The following POMT1 variants were observed in gnomAD, a reference collection of about 807,000 sequenced individuals.
POMT1 encodes protein O-mannosyl-transferase 1.
A neutral mutation model predicts 101.6 loss-of-function variants in POMT1; 85 were observed. The observed-to-expected ratio is 0.84, with a 90% CI of 0.70 to 1.00. The LOEUF is 1.00. Ranked by LOEUF, POMT1 falls within the 50% of genes least tolerant of loss-of-function variation. The pLI, the probability that POMT1 is intolerant of heterozygous loss-of-function variation, is 0.00. For missense variants in POMT1, 857 were observed against 930.4 expected, an observed-to-expected ratio of 0.92 and a Z score of 1.03; for synonymous variants, 371 against 383.0, an observed-to-expected ratio of 0.97 and a Z score of 0.37.
rs1224573602 is a variant in POMT1 at position 131,520,223 on chromosome 9, CAT to C, written c.1698+32_1698+33del. 2.6e-6 allele frequency: 4 copies of C among 1,541,198 alleles called. No homozygotes were observed. The African/African-American group carries it at 5.4e-5, about 21-fold the overall frequency. On this transcript the variant is annotated intron_variant, in intron 17 of 19. Transcript: ENST00000402686. ...GCGAGCGATGCTGACAGCTGACAGT[CAT>C]AGATTCATCCTGTTTCTTGAGAATT... is the stretch of plus-strand genomic sequence containing the variant.
Position 131,519,076 on chromosome 9 carries a change from G to T in POMT1, c.1486+119G>T. 6.7e-7 allele frequency: 1 copy of T among 1,488,366 alleles called. No individual in the cohort carries two copies. 92.2% of individuals were successfully genotyped at this position (1,488,366 alleles called of 1,614,324 possible). On this transcript the variant is annotated intron_variant, in intron 15 of 19. Transcript: ENST00000402686. This position sits in a 1 kb window ranked among gnomAD's most constrained non-coding sequence, Gnocchi z 4.3. ...GGAACTGAGCACATTCTCCATGCTC[G>T]GTGGCAGGTCATCTCCCTCCCTGCA...
chr9:131,520,755 C>T (rs10120275), intron 17 of POMT1, among the ~76,000 whole-genome samples: 129,057 of 152,238 alleles, frequency 0.85, 55,968 homozygotes, highest in South Asian at 0.96. Flanking sequence ...CCGTGGACAG[C>T]GCTGCTGTTA....
intron 17 of POMT1, among the ~76,000 whole-genome samples, chr9:131,520,837 G>A (rs764590307): frequency 2.0e-4 from 30 of 152,320 alleles, no homozygotes; most frequent in Non-Finnish European, 3.7e-4. Flanking sequence ...CTGTGTGTGT[G>A]TGTGTATGTG....
In POMT1 at chr9:131,513,227, T is replaced by G. The variant is rs749160547; in HGVS notation, c.1083-12T>G. Reference sequence around the variant, plus strand: ...AGGCTCTGTGTGGTCCCGACAGCACTGTGTCTTCCAGGCACCAGCTGGTGG... The same window carrying G: ...AGGCTCTGTGTGGTCCCGACAGCACGGTGTCTTCCAGGCACCAGCTGGTGG... On this transcript the variant is annotated splice_polypyrimidine_tract_variant and intron_variant, in intron 11 of 19. Coordinates refer to ENST00000402686, the MANE Select transcript of POMT1 (RefSeq NM_001077365.2). 6.2e-7 allele frequency: 1 copy of G among 1,611,632 alleles called. No individual in the cohort carries two copies. Among genetic ancestry groups the G allele is most frequent in the Non-Finnish European group, 8.5e-7 (1 of 1,178,760 alleles).
At chr9:131,504,570 G>C (rs994389172) in intron 2 of POMT1, among the ~76,000 whole-genome samples, 1 of 152,158 alleles carries the variant, frequency 6.6e-6, no homozygotes, top group Non-Finnish European at 1.5e-5. Context: ...CATTAAAGGG[G>C]TGCAGTAGAG....
In POMT1 at chr9:131,506,724, G is replaced by A. The variant is rs10448341; in HGVS notation, c.280+271G>A. 446,259 of 489,850 alleles carry A rather than the reference G, an allele frequency of 0.91. 204,649 individuals carry two copies. The highest frequency in any genetic ancestry group is 0.97 in the South Asian group (45,756 of 47,176). The allele number at this position is 489,850 out of a possible 1,614,324, so 30.3% of individuals were successfully genotyped here. A position where few individuals can be genotyped will look rare whatever the true frequency, so the allele number is the denominator to read the frequency against. On this transcript the variant is annotated intron_variant, in intron 4 of 19. Transcript: ENST00000402686. ...CACGTATCACAGAGCGTCTGATTGT[G>A]ATGATCGGTTGTACATGTGAATTTT...
intron 8 of POMT1, 101 bp downstream of exon 8, chr9:131,510,097 T>C (rs1946777952): frequency 1.2e-6 from 2 of 1,613,900 alleles, no homozygotes; most frequent in African/African-American, 2.7e-5. Context: ...CTCAATGTTT[T>C]AGAAGCAGGC....
At position 131,519,482 on chromosome 9, in the gene POMT1, T is replaced by G; in HGVS notation, c.1580T>G (p.Leu527Arg). 6.5e-7 allele frequency: 1 copy of G among 1,550,208 alleles called. No individual in the cohort carries two copies. The highest frequency in any genetic ancestry group is 1.4e-5 in the African/African-American group (1 of 73,172). Residue 527 changes from leucine (L) to arginine (R), a missense_variant, in exon 16 of 20, where the codon CTG becomes CGG. Leu to Arg is a moderately radical substitution (Grantham distance 102). Transcript: ENST00000402686. The surrounding 1 kb of genome is among the most constrained non-coding windows in gnomAD (Gnocchi z 4.3). ...NLSFMARFSE[L>R]QWRMLALRSD... is the part of the protein sequence containing the mutation. Reference sequence around the variant, plus strand: ...AGCTTCATGGCGAGATTCTCGGAGCTGCAGGTGAGGAGCGGCCAGGGGAAG... The same window carrying G: ...AGCTTCATGGCGAGATTCTCGGAGCGGCAGGTGAGGAGCGGCCAGGGGAAG...
At position 131,519,522 on chromosome 9, in the gene POMT1, T is replaced by G; in HGVS notation, c.1584+36T>G. 6.5e-7 allele frequency: 1 copy of G among 1,542,310 alleles called. No individual in the cohort carries two copies. The stretch of plus-strand genomic sequence containing the variant: ...GCCAGGGGAAGCTGGCCTAGCTCGC[T>G]GAGCATTGACTCCTCAGCAGGGAGG... On this transcript the variant is annotated intron_variant, in intron 16 of 19. Coordinates refer to ENST00000402686, the MANE Select transcript of POMT1 (RefSeq NM_001077365.2). The surrounding 1 kb of genome is among the most constrained non-coding windows in gnomAD (Gnocchi z 4.3).
intron 18 of POMT1, 151 bp from the exon 19 acceptor site, chr9:131,521,896 G>A (rs1950001507): frequency 5.5e-6 from 8 of 1,461,046 alleles, no homozygotes; most frequent in Non-Finnish European, 7.4e-6. Flanking sequence ...CAGCACTTTG[G>A]GAGGCCAAAG....
At chr9:131,513,192 C>A in intron 11 of POMT1, 47 bp from the exon 12 acceptor site, 2 of 1,525,008 alleles carry the variant, frequency 1.3e-6, no homozygotes, top group South Asian at 1.1e-5. Flanking sequence ...GCTGTTAGTT[C>A]GAGGGGACCA....
At chr9:131,505,275 G>T (rs1945530415) in intron 2 of POMT1, among the ~76,000 whole-genome samples, 3 of 147,748 alleles carry the variant, frequency 2.0e-5, no homozygotes, top group Admixed American at 6.9e-5. Flanking sequence ...ATAATTCAGC[G>T]GTATATCTGT....
In POMT1 at chr9:131,510,288, G is replaced by A. The variant is rs772980661; in HGVS notation, c.728G>A (p.Arg243Gln). 17 of 1,614,100 alleles carry A rather than the reference G, an allele frequency of 1.1e-5. No homozygotes were observed. Among genetic ancestry groups the A allele is most frequent in the South Asian group, 9.9e-5 (9 of 91,088 alleles). ...TGTGTGTTCTGTCACTTGCTCGCCC[G>A]AGCAGTGGCTTTGCTGGTCATCCCG... ...NVCVFCHLLA[R>Q]AVALLVIPVV... The change falls in exon 9 of 20, where the codon CGA becomes CAA. Residue 243 changes from arginine to glutamine, a missense_variant. Transcript: ENST00000402686.
At position 131,507,472 on chromosome 9, in the gene POMT1, T is replaced by C. The variant is rs148095053; in HGVS notation, c.385T>C (p.Ser129Pro). The change falls in exon 5 of 20, where the codon TCT becomes CCT. Residue 129 changes from serine to proline, a missense_variant. By Grantham distance (74) the Ser-to-Pro change is moderately conservative. Transcript: ENST00000402686. ...AYQIVLELHFSHCAAMGAALL... is the reference protein window; with the variant it reads ...AYQIVLELHFPHCAAMGAALL... ...CCAGATAGTGTTGGAGCTCCACTTT[T>C]CTCATTGTGCCGCCATGGGAGCTGC... The C allele has an allele frequency of 6.2e-7, 1 of 1,614,006 alleles. No homozygotes were observed. Among genetic ancestry groups the C allele is most frequent in the African/African-American group, 1.3e-5 (1 of 74,880 alleles).
intron 9 of POMT1, chr9:131,511,079 G>A: frequency 2.3e-6 from 1 of 430,834 alleles, no homozygotes; most frequent in Non-Finnish European, 4.2e-6. Flanking sequence ...CTCATTGGAT[G>A]CTTGTAAGGA....
intron 12 of POMT1, 37 bp downstream of exon 12, chr9:131,513,368 G>A (rs1165817473): frequency 6.3e-7 from 1 of 1,578,494 alleles, no homozygotes; most frequent in Non-Finnish European, 8.6e-7. Context: ...TGCACCTGTG[G>A]GTTTCCTCTG....
At chr9:131,504,609 A>G (rs1353831722) in intron 2 of POMT1, among the ~76,000 whole-genome samples, 1 of 152,144 alleles carries the variant, frequency 6.6e-6, no homozygotes, top group East Asian at 1.9e-4. Flanking sequence ...CTTAAGTAAC[A>G]GTTTTAAAGT....
Position 131,504,223 on chromosome 9 carries a change from G to T in POMT1, c.5G>T (p.Trp2Leu). 1 of 1,614,114 alleles carries T rather than the reference G, an allele frequency of 6.2e-7. No homozygotes were observed. ...CTGAGCCCGCTTTTCTACAAGATGT[G>T]GGGATTTTTGAAGCGCCCTGTAGTG... is the stretch of plus-strand genomic sequence containing the variant. M[W>L]GFLKRPVVVT... Residue 2 changes from tryptophan to leucine, a missense_variant, in exon 2 of 20, where the codon TGG becomes TTG. Transcript: ENST00000402686.
At chr9:131,515,771 T>G (rs150097082) in intron 13 of POMT1, among the ~76,000 whole-genome samples, 2 of 16,764 alleles carry the variant, frequency 1.2e-4, no homozygotes, top group Non-Finnish European at 1.8e-4. Flanking sequence ...TCCTCTAACA[T>G]GGAGCACTTC....
Sources: allele counts gnomAD v4.1 joint callset (sites outside exome capture counted in the v4.1 genomes callset), GRCh38; gene constraint gnomAD v4.1.1; non-coding constraint Gnocchi (gnomAD v3.1); transcripts MANE v1.5; gene names NCBI Gene and HGNC (gene_info 2026-07-23, HGNC 2026-07-21).